Variants in GSE1 observed in about 807,000 individuals in gnomAD.
The protein encoded by GSE1 is genetic suppressor element 1.
GSE1 carries 32 observed loss-of-function variants against 112.6 expected under a neutral mutation model. The ratio of observed to expected loss-of-function variants is 0.28; its 90% CI spans 0.21 to 0.38. GSE1 has a LOEUF of 0.38. GSE1 is among the 10% of genes least tolerant of loss of function. GSE1 has a pLI of 1.00. For missense variants in GSE1, 2,348 were observed against 1,699.2 expected, an observed-to-expected ratio of 1.38 and a Z score of -6.71; for synonymous variants, 1,115 against 735.6, an observed-to-expected ratio of 1.52 and a Z score of -8.35.
chr16:85,331,109 CTTTG>C, intron 1 of GSE1, among the ~76,000 whole-genome samples: 1 of 151,702 alleles, frequency 6.6e-6, no homozygotes, highest in South Asian at 2.1e-4. Context: ...TGCTTCCTGT[CTTTG>C]TTTTTTTATT....
chr16:85,435,357 G>A (rs1401237019), intron 2 of GSE1, among the ~76,000 whole-genome samples: 4 of 150,026 alleles, frequency 2.7e-5, no homozygotes, highest in Admixed American at 6.6e-5. Flanking sequence ...TGCCCTCCAT[G>A]GAGGAGCAGC....
chr16:85,172,430 C>G (rs1201863349), intron 1 of GSE1, among the ~76,000 whole-genome samples: 1 of 152,248 alleles, frequency 6.6e-6, no homozygotes, highest in Admixed American at 6.5e-5. Context: ...TCTTTCCTCT[C>G]TGCAAGTCAG....
chr16:85,368,175 C>T (rs925061618), intron 2 of GSE1, among the ~76,000 whole-genome samples: 20 of 152,090 alleles, frequency 1.3e-4, no homozygotes, highest in African/African-American at 3.9e-4. Context: ...ACGGAGGGTG[C>T]GCGTCTTCCC....
At chr16:85,357,526 C>T (rs958503424) in exon 2 of GSE1, 12 of 1,270,312 alleles carry the variant, frequency 9.4e-6, no homozygotes, top group Middle Eastern at 4.4e-4. Context: ...GTCCGAGACC[C>T]GGCCACGCGC....
chr16:85,246,119 C>T (rs1905637433), intron 1 of GSE1, among the ~76,000 whole-genome samples: 1 of 151,184 alleles, frequency 6.6e-6, no homozygotes, highest in Admixed American at 6.6e-5. Flanking sequence ...CACACACTAG[C>T]ACCCGTGTTT....
intron 2 of GSE1, among the ~76,000 whole-genome samples, chr16:85,449,875 TAAAACACA>T (rs2049625653): frequency 6.6e-6 from 1 of 152,166 alleles, no homozygotes; most frequent in South Asian, 2.1e-4. Flanking sequence ...TGGTGGGGAA[TAAAACACA>T]GAAAGTTGTG....
In GSE1 at chr16:85,523,976, G is replaced by A. The variant is rs566081015; in HGVS notation, c.2465-109938G>A. ...CCACTGAGGAACGCCTTGGGGAGGG[G>A]AGGGCTTTTGGGGTGATGCTGTTTC... is the stretch of plus-strand genomic sequence containing the variant. On this transcript the variant is annotated intron_variant, in intron 2 of 2. Transcript: ENST00000637419. Among the ~76,000 whole-genome samples, 8 of 152,310 alleles carry A rather than the reference G, an allele frequency of 5.3e-5. No homozygotes were observed. In the South Asian group the frequency reaches 1.7e-3, roughly 32 times the overall value.
At chr16:85,527,740 G>A (rs1182400970) in intron 2 of GSE1, among the ~76,000 whole-genome samples, 1 of 151,612 alleles carries the variant, frequency 6.6e-6, no homozygotes, top group African/African-American at 2.4e-5. Context: ...GGAAGAGAGC[G>A]CACGGGCTTG....
intron 2 of GSE1, among the ~76,000 whole-genome samples, chr16:85,428,570 A>G (rs949897703): frequency 6.6e-6 from 1 of 152,182 alleles, no homozygotes; most frequent in Non-Finnish European, 1.5e-5. Context: ...CACTAAGACA[A>G]GGTGTTTTGG....
At chr16:85,350,383 T>G (rs1161861706) in intron 1 of GSE1, among the ~76,000 whole-genome samples, 1 of 152,052 alleles carries the variant, frequency 6.6e-6, no homozygotes, top group Non-Finnish European at 1.5e-5. Flanking sequence ...GAAAAGTGGG[T>G]GAGCCCTGTT....
chr16:85,486,116 C>T (rs368131645), intron 2 of GSE1, among the ~76,000 whole-genome samples: 1 of 152,218 alleles, frequency 6.6e-6, no homozygotes, highest in South Asian at 2.1e-4. Flanking sequence ...TGCCCAGTCC[C>T]TCCAATTGCA....
At position 85,221,312 on chromosome 16, in the gene GSE1, G is replaced by GCA. The variant is rs377260826; in HGVS notation, c.2283+49527_2283+49528dup. Among the ~76,000 whole-genome samples the GCA allele has an allele frequency of 1.0e-2, 1,376 of 137,826 alleles. 11 individuals are homozygous for GCA. The highest frequency in any genetic ancestry group is 0.042 in the South Asian group (168 of 4,038). 90.4% of individuals were successfully genotyped at this position (137,826 alleles called of 152,430 possible). On this transcript the variant is annotated intron_variant, in intron 1 of 2. Transcript: ENST00000637419. The stretch of plus-strand genomic sequence containing the variant: ...GGCCTGGTTCACACTTCCCTAGCGC[G>GCA]CACACACACACACACACACACACCC...
intron 1 of GSE1, among the ~76,000 whole-genome samples, chr16:85,227,013 C>T (rs1472141212): frequency 6.6e-6 from 1 of 151,906 alleles, no homozygotes; most frequent in East Asian, 1.9e-4. Flanking sequence ...CATCCCCTTT[C>T]CATCCATTCA....
chr16:85,655,089 G>C (rs988032611), intron 5 of GSE1, 98 bp downstream of exon 5: 15 of 802,394 alleles, frequency 1.9e-5, no homozygotes, highest in Middle Eastern at 2.6e-4. Context: ...CTGAGAGCCA[G>C]GCTCCTAGGG....
At chr16:85,234,209 C>T (rs1597862801) in intron 1 of GSE1, among the ~76,000 whole-genome samples, 1 of 152,280 alleles carries the variant, frequency 6.6e-6, no homozygotes, top group East Asian at 1.9e-4. Flanking sequence ...CCCTTAGATA[C>T]CCATCCCCTG....
rs140982847 is a variant in GSE1 at position 85,600,017 on chromosome 16, C to A, written c.37+43654C>A. Among the ~76,000 whole-genome samples the A allele has an allele frequency of 1.5e-3, 223 of 152,294 alleles. 3 individuals are homozygous for A. The highest frequency in any genetic ancestry group is 5.2e-3 in the African/African-American group (218 of 41,552). On this transcript the variant is annotated intron_variant, in intron 1 of 2. Coordinates refer to the GSE1 transcript ENST00000635906. ...CTGGCAAGGTCCCTCCTGTGTGAGC[C>A]CCTTGAAGCCGTGCCTGGCTACCCC...
chr16:85,480,628 G>T (rs1350702536), intron 2 of GSE1, among the ~76,000 whole-genome samples: 2 of 152,156 alleles, frequency 1.3e-5, no homozygotes, highest in African/African-American at 4.8e-5. Context: ...GTGTCCGATT[G>T]CCCTCCTGGG....
intron 2 of GSE1, among the ~76,000 whole-genome samples, chr16:85,396,129 C>G (rs1204307187): frequency 6.6e-6 from 1 of 152,220 alleles, no homozygotes; most frequent in African/African-American, 2.4e-5. Flanking sequence ...ATTTGGAAAA[C>G]TCACTGGGAC....
intron 1 of GSE1, among the ~76,000 whole-genome samples, chr16:85,559,913 C>A (rs1324208584): frequency 6.6e-6 from 1 of 152,140 alleles, no homozygotes; most frequent in East Asian, 1.9e-4. Flanking sequence ...CGCCTAAAAT[C>A]TTTAGTTATT....
Sources: allele counts gnomAD v4.1 joint callset (sites outside exome capture counted in the v4.1 genomes callset), GRCh38; gene constraint gnomAD v4.1.1; transcripts MANE v1.5; gene names NCBI Gene and HGNC (gene_info 2026-07-23, HGNC 2026-07-21).